SPMIP6: variants seen among roughly 807,000 people sequenced by gnomAD.
The protein encoded by SPMIP6 is sperm microtubule inner protein 6, also known as ciliated bronchial epithelial protein 1.
the SPMIP6 span, among the ~76,000 whole-genome samples, chr9:34,393,603 T>C: frequency 6.6e-6 from 1 of 152,164 alleles, no homozygotes; most frequent in Non-Finnish European, 1.5e-5. Flanking sequence ...TTTTTCTCTA[T>C]TTGTGGATTC....
the SPMIP6 span, chr9:34,379,164 A>G: frequency 6.2e-7 from 1 of 1,613,034 alleles, no homozygotes; most frequent in Non-Finnish European, 8.5e-7. This position sits in a 1 kb window ranked among gnomAD's most constrained non-coding sequence, Gnocchi z 4.2. Context: ...AGACTTCTTG[A>G]AGTGACTTGT....
the SPMIP6 span, among the ~76,000 whole-genome samples, chr9:34,386,831 C>T: frequency 6.6e-6 from 1 of 152,134 alleles, no homozygotes; most frequent in Non-Finnish European, 1.5e-5. Flanking sequence ...CAGGGCCTCC[C>T]TTCGGGGCCC....
the SPMIP6 span, among the ~76,000 whole-genome samples, chr9:34,380,417 A>G: frequency 2.6e-5 from 4 of 152,184 alleles, no homozygotes; most frequent in Non-Finnish European, 5.9e-5. Context: ...CGTAGCCCCC[A>G]GGAATGACCG....
chr9:34,385,256 G>A, the SPMIP6 span, among the ~76,000 whole-genome samples: 3 of 152,220 alleles, frequency 2.0e-5, no homozygotes, highest in East Asian at 5.8e-4. Context: ...TGGAGGCTGG[G>A]CATGGTGGCT....
the SPMIP6 span, among the ~76,000 whole-genome samples, chr9:34,391,487 A>G: frequency 6.6e-6 from 1 of 152,094 alleles, no homozygotes; most frequent in Non-Finnish European, 1.5e-5. Context: ...CAGGTCATTT[A>G]TGTTTCACAT....
At chr9:34,383,422 G>C in the SPMIP6 span, among the ~76,000 whole-genome samples, 1 of 152,186 alleles carries the variant, frequency 6.6e-6, no homozygotes, top group East Asian at 1.9e-4. Flanking sequence ...TACTCAGGGG[G>C]CTGAGGCATG....
At chr9:34,391,145 T>C in the SPMIP6 span, among the ~76,000 whole-genome samples, 2 of 152,224 alleles carry the variant, frequency 1.3e-5, no homozygotes, top group African/African-American at 4.8e-5. Context: ...TCAGATTTTT[T>C]CCAATTCTTG....
the SPMIP6 span, chr9:34,397,577 G>A: frequency 1.2e-6 from 2 of 1,613,646 alleles, no homozygotes; most frequent in Non-Finnish European, 1.7e-6. Flanking sequence ...TGGGAGCCCT[G>A]TAGGAGTCAC....
chr9:34,397,792 C>T, the SPMIP6 span: 1 of 710,028 alleles, frequency 1.4e-6, no homozygotes, highest in Non-Finnish European at 2.3e-6. Flanking sequence ...CTTCCTTCCC[C>T]AACAGCCTTC....
At chr9:34,381,152 C>A in the SPMIP6 span, 2 of 1,563,684 alleles carry the variant, frequency 1.3e-6, no homozygotes, top group Non-Finnish European at 1.7e-6. The surrounding 1 kb of genome is among the most constrained non-coding windows in gnomAD (Gnocchi z 4.4). Context: ...GGGTCCCCAG[C>A]GCAGGAGACC....
the SPMIP6 span, among the ~76,000 whole-genome samples, chr9:34,386,652 G>C: frequency 5.3e-5 from 8 of 151,690 alleles, no homozygotes; most frequent in Admixed American, 3.3e-4. Flanking sequence ...TGTGGCTCTG[G>C]CCCTGACACC....
At chr9:34,393,959 T>G in the SPMIP6 span, among the ~76,000 whole-genome samples, 2 of 152,130 alleles carry the variant, frequency 1.3e-5, no homozygotes, top group Non-Finnish European at 2.9e-5. Flanking sequence ...TAATAATCTC[T>G]TATTGCTTGC....
At chr9:34,387,008 T>A in the SPMIP6 span, among the ~76,000 whole-genome samples, 3 of 150,954 alleles carry the variant, frequency 2.0e-5, no homozygotes, top group African/African-American at 4.9e-5. Flanking sequence ...AGTGATGCTA[T>A]CACCCACACT....
chr9:34,380,329 G>A, the SPMIP6 span, among the ~76,000 whole-genome samples: 1 of 152,196 alleles, frequency 6.6e-6, no homozygotes, highest in Admixed American at 6.5e-5. Context: ...ACACGCGAGG[G>A]TGCCTACCTC....
the SPMIP6 span, chr9:34,385,578 C>T: frequency 1.6e-6 from 2 of 1,221,566 alleles, no homozygotes; most frequent in Non-Finnish European, 2.3e-6. Context: ...GGTCACGATC[C>T]AGGTGGTTGG....
At chr9:34,380,760 GC>G in the SPMIP6 span, 1 of 1,548,064 alleles carries the variant, frequency 6.5e-7, no homozygotes, top group Non-Finnish European at 8.7e-7. Context: ...ACACGGCAGG[GC>G]CTCGAGAGCG....
At chr9:34,390,587 T>C in the SPMIP6 span, among the ~76,000 whole-genome samples, 1 of 152,238 alleles carries the variant, frequency 6.6e-6, no homozygotes, top group African/African-American at 2.4e-5. Flanking sequence ...CATCACAAAT[T>C]ATTTTTTATA....
chr9:34,385,614 G>T, the SPMIP6 span: 3 of 1,611,604 alleles, frequency 1.9e-6, no homozygotes, highest in Non-Finnish European at 2.5e-6. Context: ...CATTTTAGGG[G>T]TCAGCAAAGG....
the SPMIP6 span, among the ~76,000 whole-genome samples, chr9:34,390,516 A>G: frequency 6.6e-6 from 1 of 152,170 alleles, no homozygotes; most frequent in Non-Finnish European, 1.5e-5. Flanking sequence ...AATGTGATGA[A>G]TGATATTTAT....
Sources: allele counts gnomAD v4.1 joint callset (sites outside exome capture counted in the v4.1 genomes callset), GRCh38; gene constraint gnomAD v4.1.1; non-coding constraint Gnocchi (gnomAD v3.1); transcripts MANE v1.5; gene names NCBI Gene and HGNC (gene_info 2026-07-23, HGNC 2026-07-21).